Variants in MAN1C1 observed in about 807,000 individuals in gnomAD.
The protein encoded by MAN1C1 is mannosidase alpha class 1C member 1.
MAN1C1 carries 49 observed loss-of-function variants against 71.5 expected under a neutral mutation model. The observed-to-expected ratio is 0.69, with a 90% CI of 0.54 to 0.87. The LOEUF (loss-of-function observed/expected upper bound fraction) is 0.87, where lower values mean the gene tolerates loss of function less well. Ranked by LOEUF, MAN1C1 falls within the 40% of genes least tolerant of loss-of-function variation. MAN1C1 has a pLI of 0.00. For missense variants in MAN1C1, 743 were observed against 835.0 expected (o/e 0.89, Z 1.36); for synonymous variants, 352 against 343.7 (o/e 1.02, Z -0.27).
At chr1:25,635,509 G>A (rs2045445927) in intron 1 of MAN1C1, among the ~76,000 whole-genome samples, 1 of 150,264 alleles carries the variant, frequency 6.7e-6, no homozygotes. Context: ...GAGTGCAATG[G>A]TGCGATCTCA....
intron 2 of MAN1C1, among the ~76,000 whole-genome samples, chr1:25,740,586 G>A (rs893962190): frequency 2.6e-5 from 4 of 152,082 alleles, no homozygotes; most frequent in South Asian, 2.1e-4. Context: ...ATAGGCGCCC[G>A]CCACCATGCC....
Position 25,725,770 on chromosome 1 carries a change from G to A in MAN1C1, c.638-20898G>A, listed in dbSNP as rs552099582. Among the ~76,000 whole-genome samples, 17 of 152,342 alleles carry A rather than the reference G, an allele frequency of 1.1e-4. No homozygotes were observed. Among genetic ancestry groups the A allele is most frequent in the Middle Eastern group, 3.4e-3 (1 of 294 alleles). On this transcript the variant is annotated intron_variant, in intron 2 of 11. Transcript: ENST00000374332. The surrounding 1 kb of genome is among the most constrained non-coding windows in gnomAD (Gnocchi z 4.8). ...GTTTTAATGGAAGTCGAAGGCGTGT[G>A]GCATTTGAGGGAGACTGCGCCATCT...
chr1:25,648,374 T>C (rs2045645713), intron 1 of MAN1C1, among the ~76,000 whole-genome samples: 1 of 152,200 alleles, frequency 6.6e-6, no homozygotes, highest in Admixed American at 6.5e-5. Context: ...CCGTCTGATA[T>C]TGGTGCTAAT....
chr1:25,686,447 A>T lies in MAN1C1; in HGVS notation c.548A>T (p.Gln183Leu). ...TGCTGCTTTTTCTTGCAGATGATGC[A>T]GTTTGCTTGGCAGAGCTATAAGCGT... ...AQREKIKEMM[Q>L]FAWQSYKRYA... The change falls in exon 2 of 12, where the codon CAG (glutamine) becomes CTG (leucine). Residue 183 changes from glutamine (Q) to leucine (L), a missense_variant. Coordinates refer to ENST00000374332, the MANE Select transcript of MAN1C1 (RefSeq NM_020379.4). The T allele has an allele frequency of 2.5e-6, 4 of 1,614,082 alleles. No individual in the cohort carries two copies. Among genetic ancestry groups the T allele is most frequent in the Non-Finnish European group, 3.4e-6 (4 of 1,179,924 alleles).
intron 8 of MAN1C1, chr1:25,772,102 A>T (rs2047562079): frequency 3.6e-6 from 1 of 274,900 alleles, no homozygotes; most frequent in African/African-American, 2.2e-5. Flanking sequence ...GCTTTGGCTG[A>T]TGTATCAGAG....
intron 1 of MAN1C1, among the ~76,000 whole-genome samples, chr1:25,636,328 G>A (rs546513543): frequency 1.7e-4 from 26 of 152,230 alleles, no homozygotes; most frequent in Admixed American, 1.6e-3. Context: ...AGACCAGGCC[G>A]TGTTTCAGTC....
chr1:25,763,793 C>T, intron 6 of MAN1C1, 81 bp from the exon 7 acceptor site: 1 of 1,120,140 alleles, frequency 8.9e-7, no homozygotes, highest in Non-Finnish European at 1.4e-6. Context: ...TCTGAACCAG[C>T]TGCCTCCCAT....
In MAN1C1 at chr1:25,778,265, A is replaced by G. The variant is rs928469309; in HGVS notation, c.1418A>G (p.His473Arg). The G allele has an allele frequency of 7.4e-6, 12 of 1,613,970 alleles. No homozygotes were observed. In the Admixed American group the frequency reaches 1.3e-4, roughly 18 times the overall value. ...GATGCCAAGGAAGAAAAGAGGGCCC[A>G]CTACCGAGAGCTCGCAGCCCAGATC... is the stretch of plus-strand genomic sequence containing the variant. The part of the protein sequence containing the change: ...AEDAKEEKRA[H>R]YRELAAQITK... Residue 473 changes from histidine (H) to arginine (R), a missense_variant, in exon 9 of 12, where the codon CAC becomes CGC. Coordinates refer to ENST00000374332, the MANE Select transcript of MAN1C1 (RefSeq NM_020379.4). The surrounding 1 kb of genome is among the most constrained non-coding windows in gnomAD (Gnocchi z 5.5).
chr1:25,622,564 T>A (rs1014149289), intron 1 of MAN1C1, among the ~76,000 whole-genome samples: 1 of 152,216 alleles, frequency 6.6e-6, no homozygotes, highest in Non-Finnish European at 1.5e-5. Flanking sequence ...GTTTAGGGGC[T>A]TAGCGGCTCA....
chr1:25,641,320 G>GGTC (rs2045534443), intron 1 of MAN1C1, among the ~76,000 whole-genome samples: 1 of 152,180 alleles, frequency 6.6e-6, no homozygotes, highest in Non-Finnish European at 1.5e-5. Flanking sequence ...ACCAACCCCA[G>GGTC]GTCCCACCAG....
At chr1:25,647,311 G>A (rs1184704622) in intron 1 of MAN1C1, among the ~76,000 whole-genome samples, 1 of 152,156 alleles carries the variant, frequency 6.6e-6, no homozygotes, top group Non-Finnish European at 1.5e-5. Context: ...AAGGCTGCAT[G>A]GGAGCTTGGG....
At chr1:25,768,373 CCA>C (rs1211840023) in intron 7 of MAN1C1, among the ~76,000 whole-genome samples, 8 of 116,130 alleles carry the variant, frequency 6.9e-5, no homozygotes, top group African/African-American at 2.4e-4. Flanking sequence ...TACACTCCCC[CCA>C]CACACACTCC....
intron 2 of MAN1C1, among the ~76,000 whole-genome samples, chr1:25,696,383 AC>A (rs1272009296): frequency 6.6e-6 from 1 of 151,544 alleles, no homozygotes; most frequent in Non-Finnish European, 1.5e-5. Context: ...CCAGGATCGA[AC>A]CCTGGTCTTC....
intron 7 of MAN1C1, among the ~76,000 whole-genome samples, chr1:25,767,329 T>TTACACACTC (rs2047444571): frequency 9.4e-5 from 3 of 31,888 alleles, no homozygotes; most frequent in African/African-American, 1.3e-4. Flanking sequence ...CCTCACACAC[T>TTACACACTC]CCCCCCACAC....
chr1:25,664,758 TAAAAG>T (rs1387707024), intron 1 of MAN1C1, among the ~76,000 whole-genome samples: 1 of 152,132 alleles, frequency 6.6e-6, no homozygotes, highest in Admixed American at 6.5e-5. Context: ...ATTGTTCGAT[TAAAAG>T]AAAAGGGGAA....
intron 1 of MAN1C1, among the ~76,000 whole-genome samples, chr1:25,638,173 G>A (rs112018099): frequency 1.0e-3 from 154 of 151,416 alleles, no homozygotes; most frequent in South Asian, 3.5e-3. Flanking sequence ...TATGTCATCC[G>A]TTATACGCAT....
In MAN1C1 at chr1:25,780,923, C is replaced by T; in HGVS notation, c.1478-17C>T. 2 of 1,612,192 alleles carry T rather than the reference C, an allele frequency of 1.2e-6. No individual in the cohort carries two copies. Among genetic ancestry groups the T allele is most frequent in the Non-Finnish European group, 1.7e-6 (2 of 1,179,016 alleles). On this transcript the variant is annotated splice_polypyrimidine_tract_variant and intron_variant, in intron 9 of 11. Coordinates refer to ENST00000374332, the MANE Select transcript of MAN1C1 (RefSeq NM_020379.4). ...TGGGAGGTCTGACCTGGGCCCTCTG[C>T]TTGGCTGTTTCCCCAGACACCAAAC...
intron 1 of MAN1C1, among the ~76,000 whole-genome samples, chr1:25,683,862 A>G (rs2046190817): frequency 2.0e-5 from 3 of 152,192 alleles, no homozygotes; most frequent in Non-Finnish European, 4.4e-5. Context: ...GCACGTGTGC[A>G]TTGAGGGAAT....
intron 2 of MAN1C1, among the ~76,000 whole-genome samples, chr1:25,742,581 G>T (rs1418451803): frequency 6.6e-6 from 1 of 152,170 alleles, no homozygotes; most frequent in Non-Finnish European, 1.5e-5. Flanking sequence ...GCCAGTAGGG[G>T]CAAGGAGGGC....
Sources: gnomAD v4.1 joint callset for allele counts (sites outside exome capture counted in the v4.1 genomes callset) on GRCh38, gnomAD v4.1.1 for gene constraint, Gnocchi (gnomAD v3.1) non-coding constraint, MANE v1.5 for transcripts, NCBI Gene and HGNC (gene_info 2026-07-23, HGNC 2026-07-21) for gene names.